NOTCH2NLC: variants seen among roughly 807,000 people sequenced by gnomAD.
NOTCH2NLC encodes notch homolog 2 N-terminal-like protein C.
NOTCH2NLC carries 4 observed loss-of-function variants against 17.7 expected under a neutral mutation model. The ratio of observed to expected loss-of-function variants is 0.23; its 90% CI spans 0.11 to 0.52. NOTCH2NLC has a LOEUF of 0.52. Ranked by LOEUF, NOTCH2NLC falls within the 20% of genes least tolerant of loss-of-function variation. The probability of loss-of-function intolerance (pLI) is 0.96; values close to 1 mark genes in which losing one functional copy is unlikely to be tolerated. For missense variants in NOTCH2NLC, 57 were observed against 207.2 expected (o/e 0.28, Z 4.45); for synonymous variants, 18 against 86.0 (o/e 0.21, Z 4.38).
rs1465076132 is a variant in NOTCH2NLC at position 149,402,068 on chromosome 1, T to C, written c.135+11146T>C. Among the ~76,000 whole-genome samples the C allele has an allele frequency of 3.4e-4, 50 of 148,774 alleles. 1 individual carries two copies. The highest frequency in any genetic ancestry group is 1.2e-3 in the African/African-American group (50 of 40,590). ...TAAGTGACAGAGCTGGTACTTAAAC[T>C]TGTGGCTTGATTTTTCTTTTTTTTT... On this transcript the variant is annotated intron_variant, in intron 1 of 4. Transcript: ENST00000650865.
chr1:149,417,491 T>G (rs1417271529), intron 1 of NOTCH2NLC, among the ~76,000 whole-genome samples: 7 of 151,420 alleles, frequency 4.6e-5, no homozygotes, highest in Non-Finnish European at 8.9e-5. Context: ...ACTTGTGCTC[T>G]GGTCCTGGTT....
chr1:149,412,930 G>A (rs2084307837), intron 1 of NOTCH2NLC, among the ~76,000 whole-genome samples: 1 of 130,832 alleles, frequency 7.6e-6, no homozygotes, highest in African/African-American at 2.8e-5. Flanking sequence ...TTTGAGACAG[G>A]GCCTCACTCT....
intron 2 of NOTCH2NLC, among the ~76,000 whole-genome samples, chr1:149,436,606 T>TC (rs1383533302): frequency 7.6e-6 from 1 of 131,442 alleles, no homozygotes; most frequent in Non-Finnish European, 1.6e-5. Context: ...ACTCAGCATT[T>TC]CCCCCTTTCC....
intron 2 of NOTCH2NLC, among the ~76,000 whole-genome samples, chr1:149,440,222 G>A (rs1469125788): frequency 2.3e-4 from 34 of 149,600 alleles, no homozygotes; most frequent in Non-Finnish European, 3.0e-5. Flanking sequence ...GGACTCTGAA[G>A]CACTATAGAA....
intron 2 of NOTCH2NLC, among the ~76,000 whole-genome samples, chr1:149,449,326 A>T (rs2084576423): frequency 6.7e-6 from 1 of 149,806 alleles, no homozygotes; most frequent in African/African-American, 2.5e-5. Context: ...TACTTAGAAA[A>T]TATGTTTTCA....
In NOTCH2NLC at chr1:149,467,880, CTT is replaced by C. The variant is rs1344049865; in HGVS notation, c.*3729_*3730del. 4.7e-5 allele frequency: 3 copies of C among 63,772 alleles called. No individual in the cohort carries two copies. Among genetic ancestry groups the C allele is most frequent in the Non-Finnish European group, 8.8e-5 (3 of 34,222 alleles). The allele number at this position is 63,772 out of a possible 1,614,324, so 4.0% of individuals were successfully genotyped here. A position where few individuals can be genotyped will look rare whatever the true frequency, so the allele number is the denominator to read the frequency against. The stretch of plus-strand genomic sequence containing the variant: ...TTTTTTTTCTTTCTTTCCCACATCT[CTT>C]TATTTCTCTGATTTTGTTTAAACTT... On this transcript the variant is annotated 3_prime_UTR_variant, in exon 5 of 5. Coordinates refer to ENST00000650865, the MANE Select transcript of NOTCH2NLC (RefSeq NM_001364013.2).
At chr1:149,410,367 CAG>C in intron 1 of NOTCH2NLC, among the ~76,000 whole-genome samples, 1 of 149,702 alleles carries the variant, frequency 6.7e-6, no homozygotes, top group Non-Finnish European at 1.5e-5. Flanking sequence ...TGATAAAAAA[CAG>C]TGTGTTTTTT....
chr1:149,417,469 A>G (rs2084342956), intron 1 of NOTCH2NLC, among the ~76,000 whole-genome samples: 1 of 151,320 alleles, frequency 6.6e-6, no homozygotes, highest in African/African-American at 2.4e-5. Context: ...ATGTTGGGTC[A>G]GTAGGTAAAA....
Position 149,398,661 on chromosome 1 carries a change from C to T in NOTCH2NLC, c.135+7739C>T, listed in dbSNP as rs1448510966. On this transcript the variant is annotated intron_variant, in intron 1 of 4. Transcript: ENST00000650865. ...GGGTTCACCTTAGTGTCCCTTGCCC[C>T]TCTCGCATTTCCAGCCAGCTACGTC... Among the ~76,000 whole-genome samples, 2 of 151,154 alleles carry T rather than the reference C, an allele frequency of 1.3e-5. 1 individual carries two copies. The highest frequency in any genetic ancestry group is 3.0e-5 in the Non-Finnish European group (2 of 67,652).
At chr1:149,461,141 G>T (rs1290267999) in intron 3 of NOTCH2NLC, among the ~76,000 whole-genome samples, 18 of 150,128 alleles carry the variant, frequency 1.2e-4, no homozygotes, top group African/African-American at 4.4e-4. Flanking sequence ...CACCATGTTG[G>T]CCAGGCTGGT....
rs1236413372 is a variant in NOTCH2NLC, at chr1:149,430,023, A to G, written c.136-919A>G. Among the ~76,000 whole-genome samples, 799 of 150,884 alleles carry G rather than the reference A, an allele frequency of 5.3e-3. 29 individuals are homozygous for G. Among genetic ancestry groups the G allele is most frequent in the African/African-American group, 0.018 (759 of 41,162 alleles). ...TTTTGGTGATGAAAATTTCAACTCT[A>G]AAAGCTAAACAATCAAGATATTGTA... On this transcript the variant is annotated intron_variant, in intron 1 of 4. Coordinates refer to ENST00000650865, the MANE Select transcript of NOTCH2NLC (RefSeq NM_001364013.2).
chr1:149,394,810 A>C (rs1345543240), intron 1 of NOTCH2NLC, among the ~76,000 whole-genome samples: 8 of 151,012 alleles, frequency 5.3e-5, no homozygotes, highest in African/African-American at 7.3e-5. Flanking sequence ...TTTGTTTCCC[A>C]CCCTTTCTCT....
chr1:149,461,751 G>A (rs2084651238), intron 3 of NOTCH2NLC, among the ~76,000 whole-genome samples: 1 of 151,134 alleles, frequency 6.6e-6, no homozygotes, highest in South Asian at 2.1e-4. Flanking sequence ...ATCAGTGATA[G>A]ACTGGATTAA....
intron 2 of NOTCH2NLC, among the ~76,000 whole-genome samples, chr1:149,449,507 C>T: frequency 6.8e-6 from 1 of 148,022 alleles, no homozygotes; most frequent in South Asian, 2.2e-4. Flanking sequence ...AAACAAAAGG[C>T]CCACATAACT....
intron 1 of NOTCH2NLC, among the ~76,000 whole-genome samples, chr1:149,398,337 G>A (rs1388026366): frequency 2.0e-5 from 3 of 149,528 alleles, no homozygotes; most frequent in East Asian, 2.0e-4. Context: ...GTGGGTTTGC[G>A]GCAAGAGAGA....
intron 3 of NOTCH2NLC, among the ~76,000 whole-genome samples, chr1:149,461,741 A>G (rs1257756209): frequency 2.0e-5 from 3 of 151,334 alleles, no homozygotes; most frequent in African/African-American, 2.4e-5. Flanking sequence ...CCAAATGTCC[A>G]TCAGTGATAG....
intron 1 of NOTCH2NLC, among the ~76,000 whole-genome samples, chr1:149,415,439 C>T (rs1245604939): frequency 1.4e-5 from 1 of 71,392 alleles, no homozygotes; most frequent in African/African-American, 5.7e-5. Flanking sequence ...TCTTTTGTTA[C>T]ACTGATCATC....
chr1:149,433,493 C>T (rs1465205963), intron 2 of NOTCH2NLC, among the ~76,000 whole-genome samples: 1 of 150,108 alleles, frequency 6.7e-6, no homozygotes, highest in Non-Finnish European at 1.5e-5. Context: ...GGTGGTAATA[C>T]CATACAGAGA....
At chr1:149,445,580 A>G (rs1225570610) in intron 2 of NOTCH2NLC, among the ~76,000 whole-genome samples, 1 of 150,460 alleles carries the variant, frequency 6.6e-6, no homozygotes, top group African/African-American at 2.4e-5. Context: ...CAGCTAGGGC[A>G]GGCTGCCACT....
Sources: gnomAD v4.1 joint callset for allele counts (sites outside exome capture counted in the v4.1 genomes callset) on GRCh38, gnomAD v4.1.1 for gene constraint, MANE v1.5 for transcripts, NCBI Gene and HGNC (gene_info 2026-07-23, HGNC 2026-07-21) for gene names.